The following PPP2R2C variants were observed in gnomAD, a reference collection of about 807,000 sequenced individuals.
PPP2R2C encodes the protein protein phosphatase 2, regulatory subunit B, gamma.
A neutral mutation model predicts 45.3 loss-of-function variants in PPP2R2C; 10 were observed. That is an observed-to-expected ratio of 0.22 (90% CI 0.14 to 0.37). The LOEUF (loss-of-function observed/expected upper bound fraction) is 0.37, where lower values mean the gene tolerates loss of function less well. PPP2R2C is among the 10% of genes least tolerant of loss of function. The probability of loss-of-function intolerance (pLI) is 1.00; values close to 1 mark genes in which losing one functional copy is unlikely to be tolerated. For missense variants in PPP2R2C, 308 were observed against 619.7 expected (o/e 0.50, Z 5.34); for synonymous variants, 257 against 245.4 (o/e 1.05, Z -0.44).
intron 2 of PPP2R2C, among the ~76,000 whole-genome samples, chr4:6,511,124 G>C (rs1376335884): frequency 2.6e-5 from 4 of 152,162 alleles, no homozygotes. Flanking sequence ...CTGTAACATG[G>C]AGATAATAAT....
intron 1 of PPP2R2C, among the ~76,000 whole-genome samples, chr4:6,536,079 C>T (rs1397141745): frequency 6.6e-6 from 1 of 152,080 alleles, no homozygotes; most frequent in African/African-American, 2.4e-5. Flanking sequence ...ATCATCTTTT[C>T]CCCACCTCAC....
chr4:6,354,156 C>T (rs969543855), intron 5 of PPP2R2C, among the ~76,000 whole-genome samples: 1 of 151,136 alleles, frequency 6.6e-6, no homozygotes, highest in East Asian at 2.0e-4. Flanking sequence ...GGGTCCGTGC[C>T]CAAGCTCAGC....
At chr4:6,562,430 C>T (rs1186486556) in intron 1 of PPP2R2C, among the ~76,000 whole-genome samples, 1 of 148,560 alleles carries the variant, frequency 6.7e-6, no homozygotes, top group Non-Finnish European at 1.5e-5. Flanking sequence ...GTTTCCTTAT[C>T]CTATAATGGG....
upstream of PPP2R2C, among the ~76,000 whole-genome samples, chr4:6,475,916 GGGTCTTCATGGAGA>G (rs1251488834): frequency 6.6e-6 from 1 of 152,162 alleles, no homozygotes. Context: ...CATGAGGGTG[GGGTCTTCATGGAGA>G]GATTAGTGCC....
chr4:6,410,652 C>G (rs1485815428), intron 1 of PPP2R2C, among the ~76,000 whole-genome samples: 3 of 152,000 alleles, frequency 2.0e-5, no homozygotes, highest in African/African-American at 7.3e-5. Flanking sequence ...GGACGTGAAG[C>G]AACTGCATAC....
chr4:6,386,184 G>T (rs186555131), intron 1 of PPP2R2C, among the ~76,000 whole-genome samples: 2 of 152,140 alleles, frequency 1.3e-5, no homozygotes, highest in Non-Finnish European at 2.9e-5. Flanking sequence ...TGCTGCAGGC[G>T]GTCAGCAATT....
At position 6,321,727 on chromosome 4, in the gene PPP2R2C, A is replaced by C. The variant is rs2269920; in HGVS notation, c.*1575T>G. The C allele has an allele frequency of 0.27, 40,829 of 151,940 alleles. 6,970 individuals carry two copies. Among genetic ancestry groups the C allele is most frequent in the East Asian group, 0.57 (2,919 of 5,138 alleles). The allele number at this position is 151,940 out of a possible 1,614,324, so 9.4% of individuals were successfully genotyped here. On this transcript the variant is annotated 3_prime_UTR_variant, in exon 9 of 9. Coordinates refer to ENST00000382599, the MANE Select transcript of PPP2R2C (RefSeq NM_020416.4). ...TCCCCACTTTCTGAATCAAAATGCCAAACTACGTGGCTCTGCTGCAAGTCC... is the reference window on the plus strand; with the variant it reads ...TCCCCACTTTCTGAATCAAAATGCCCAACTACGTGGCTCTGCTGCAAGTCC...
chr4:6,458,597 C>T (rs1255754328), intron 1 of PPP2R2C, among the ~76,000 whole-genome samples: 2 of 152,218 alleles, frequency 1.3e-5, no homozygotes, highest in Admixed American at 6.5e-5. Flanking sequence ...CTTAAACATT[C>T]AGATCATAGC....
chr4:6,341,053 C>A (rs1733403044), intron 6 of PPP2R2C, among the ~76,000 whole-genome samples: 1 of 152,198 alleles, frequency 6.6e-6, no homozygotes, highest in Admixed American at 6.5e-5. Context: ...TTAAATGAAC[C>A]CACTCAGGTG....
At chr4:6,327,803 C>T (rs1163430436) in intron 8 of PPP2R2C, among the ~76,000 whole-genome samples, 1 of 152,180 alleles carries the variant, frequency 6.6e-6, no homozygotes, top group Non-Finnish European at 1.5e-5. Context: ...CCATGCCAGC[C>T]CCTTGCCTGA....
intron 1 of PPP2R2C, among the ~76,000 whole-genome samples, chr4:6,448,228 G>T (rs1195754054): frequency 6.6e-6 from 1 of 152,130 alleles, no homozygotes; most frequent in East Asian, 1.9e-4. Flanking sequence ...ACCGCTGCAG[G>T]ATTTAAGAAC....
chr4:6,493,139 A>G (rs1383186222), intron 2 of PPP2R2C, among the ~76,000 whole-genome samples: 1 of 152,022 alleles, frequency 6.6e-6, no homozygotes, highest in Non-Finnish European at 1.5e-5. Flanking sequence ...ACTTGACTCA[A>G]ATGTCACCTT....
intron 5 of PPP2R2C, among the ~76,000 whole-genome samples, chr4:6,354,283 A>G (rs2109245514): frequency 6.6e-6 from 1 of 151,740 alleles, no homozygotes; most frequent in East Asian, 2.0e-4. Flanking sequence ...GCTCTTCCTC[A>G]GTCTCACCTT....
chr4:6,341,189 A>C (rs901860444), intron 6 of PPP2R2C, among the ~76,000 whole-genome samples: 2 of 152,150 alleles, frequency 1.3e-5, no homozygotes, highest in Non-Finnish European at 2.9e-5. Context: ...TAAAAATACA[A>C]AAAGTCGGGT....
chr4:6,337,915 C>G (rs1034569203), intron 6 of PPP2R2C, among the ~76,000 whole-genome samples: 1 of 152,044 alleles, frequency 6.6e-6, no homozygotes, highest in East Asian at 1.9e-4. Context: ...CCTAAAAGTT[C>G]CTCTTTTTCT....
Position 6,320,836 on chromosome 4 carries a change from C to T in PPP2R2C, c.*2466G>A, listed in dbSNP as rs542894164. ...AACAAAACCAAAAAAACCCCAACAA[C>T]TTCACAATGACTATGTGAACGCCCG... is the stretch of plus-strand genomic sequence containing the variant. On this transcript the variant is annotated 3_prime_UTR_variant, in exon 9 of 9. Coordinates refer to ENST00000382599, the MANE Select transcript of PPP2R2C (RefSeq NM_020416.4). The T allele has an allele frequency of 2.7e-5, 4 of 149,826 alleles. No individual in the cohort carries two copies. Among genetic ancestry groups the T allele is most frequent in the African/African-American group, 9.8e-5 (4 of 40,918 alleles). 9.3% of individuals were successfully genotyped at this position (149,826 alleles called of 1,614,324 possible).
chr4:6,455,262 C>T (rs540725544), intron 1 of PPP2R2C, among the ~76,000 whole-genome samples: 2 of 152,324 alleles, frequency 1.3e-5, no homozygotes, highest in South Asian at 4.1e-4. Context: ...CTTAAAAACA[C>T]CTATAGCCCT....
At chr4:6,445,863 C>T (rs2059084234) in intron 1 of PPP2R2C, among the ~76,000 whole-genome samples, 2 of 152,216 alleles carry the variant, frequency 1.3e-5, no homozygotes, top group South Asian at 4.1e-4. Context: ...GGTCCTCAGC[C>T]CTCTGCCCAC....
chr4:6,357,381 T>A (rs1358264124), intron 5 of PPP2R2C, among the ~76,000 whole-genome samples: 1 of 152,198 alleles, frequency 6.6e-6, no homozygotes, highest in Non-Finnish European at 1.5e-5. Context: ...GCAAGTGTTT[T>A]CTGCAAAGAG....
Sources: gnomAD v4.1 joint callset for allele counts (sites outside exome capture counted in the v4.1 genomes callset) on GRCh38, gnomAD v4.1.1 for gene constraint, MANE v1.5 for transcripts, NCBI Gene and HGNC (gene_info 2026-07-23, HGNC 2026-07-21) for gene names.